Variants in NCOA7 observed in about 807,000 individuals in gnomAD.
The protein encoded by NCOA7 is nuclear receptor coactivator 7, also known as 140 kDa estrogen receptor-associated protein.
NCOA7 carries 45 observed loss-of-function variants against 104.3 expected under a neutral mutation model. The observed-to-expected ratio is 0.43, with a 90% CI of 0.34 to 0.55. NCOA7 has a LOEUF of 0.55. Among genes scored for constraint, NCOA7 ranks in the 20% least tolerant of loss-of-function variants. The pLI is 0.02. For missense variants in NCOA7, 1,041 were observed against 1,119.7 expected (o/e 0.93, Z 1.00); for synonymous variants, 398 against 402.3 (o/e 0.99, Z 0.13).
chr6:125,788,596 T>C (rs967548186), upstream of NCOA7, among the ~76,000 whole-genome samples: 3 of 151,072 alleles, frequency 2.0e-5, no homozygotes, highest in Non-Finnish European at 4.4e-5. Flanking sequence ...AGTGCAGTGG[T>C]GCAATCTCCG....
intron 10 of NCOA7, among the ~76,000 whole-genome samples, chr6:125,899,102 G>A (rs908564470): frequency 6.6e-6 from 1 of 152,070 alleles, no homozygotes; most frequent in Non-Finnish European, 1.5e-5. Flanking sequence ...TGCATTTAGT[G>A]AGCATGAATT....
In NCOA7 at chr6:125,860,670, A is replaced by G. The variant is rs181439577; in HGVS notation, c.271+5430A>G. Among the ~76,000 whole-genome samples the G allele has an allele frequency of 5.1e-4, 78 of 152,268 alleles. 2 individuals carry two copies. Among genetic ancestry groups the G allele is most frequent in the Admixed American group, 4.8e-3 (73 of 15,284 alleles). The stretch of plus-strand genomic sequence containing the variant: ...GCCCGGATCCTTTTATATTAAAGGA[A>G]TTCATTATTTCTTAAACTTAGAATA... On this transcript the variant is annotated intron_variant, in intron 3 of 15. Transcript: ENST00000392477.
intron 11 of NCOA7, among the ~76,000 whole-genome samples, chr6:125,918,281 C>A (rs1366972380): frequency 6.6e-6 from 1 of 152,186 alleles, no homozygotes; most frequent in African/African-American, 2.4e-5. Context: ...GGCAAAGCAC[C>A]TGGCACCCAC....
At chr6:125,831,402 T>C (rs1215663956) in intron 2 of NCOA7, among the ~76,000 whole-genome samples, 1 of 152,212 alleles carries the variant, frequency 6.6e-6, no homozygotes. Context: ...GAGCTATCAG[T>C]TTATTTTTCT....
At chr6:125,855,764 A>G (rs1157118208) in intron 3 of NCOA7, among the ~76,000 whole-genome samples, 1 of 151,852 alleles carries the variant, frequency 6.6e-6, no homozygotes, top group East Asian at 1.9e-4. Flanking sequence ...GCTCACTGCA[A>G]CCTCTGCCTC....
chr6:125,812,323 T>G (rs1209258785), intron 1 of NCOA7, among the ~76,000 whole-genome samples: 20 of 152,198 alleles, frequency 1.3e-4, no homozygotes, highest in Admixed American at 1.3e-3. Context: ...CAAGCAGAAT[T>G]GAACTTCACA....
intron 3 of NCOA7, among the ~76,000 whole-genome samples, chr6:125,856,556 G>C (rs981794627): frequency 6.6e-6 from 1 of 152,120 alleles, no homozygotes; most frequent in South Asian, 2.1e-4. Flanking sequence ...GTTTCACCGT[G>C]TTAGCCAGGA....
intron 2 of NCOA7, among the ~76,000 whole-genome samples, chr6:125,844,007 TGA>T (rs909316519): frequency 1.3e-5 from 2 of 152,218 alleles, no homozygotes; most frequent in Admixed American, 6.5e-5. Flanking sequence ...AAGGCTTCTC[TGA>T]GAGAGAATTT....
chr6:125,889,865 A>G lies in NCOA7; in HGVS notation c.1811A>G (p.Glu604Gly), dbSNP rs765213759. 1 of 1,613,638 alleles carries G rather than the reference A, an allele frequency of 6.2e-7. No individual in the cohort carries two copies. The highest frequency in any genetic ancestry group is 8.5e-7 in the Non-Finnish European group (1 of 1,179,864). ...TCTACAGAAGCAAATGTGATTAAAG[A>G]GGCTCTAGACTCCTCTTTGGAATCT... ...NSSTEANVIKEALDSSLESTL... is the reference protein window; with the variant it reads ...NSSTEANVIKGALDSSLESTL... The change falls in exon 9 of 16, where the codon GAG becomes GGG. Residue 604 changes from glutamate to glycine, a missense_variant. Glu to Gly is a moderately conservative substitution (Grantham distance 98, BLOSUM62 -2). Around this residue, in one of 2 missense-constraint regions of NCOA7, gnomAD observed 914 missense variants for 942.7 expected, o/e 0.97. Coordinates refer to ENST00000392477, the MANE Select transcript of NCOA7 (RefSeq NM_181782.5).
intron 11 of NCOA7, 68 bp from the exon 12 acceptor site, chr6:125,920,875 A>AT (rs1787514250): frequency 1.3e-6 from 2 of 1,578,014 alleles, no homozygotes; most frequent in Middle Eastern, 1.7e-4. Flanking sequence ...CCCTAGAGTG[A>AT]TTTTTTAAAT....
intron 14 of NCOA7, 144 bp downstream of exon 14, chr6:125,927,902 G>A: frequency 1.1e-5 from 8 of 750,154 alleles, no homozygotes; most frequent in Middle Eastern, 3.3e-4. Flanking sequence ...ACTGTAGCTC[G>A]CAAACTGCTT....
At chr6:125,892,146 G>C (rs975458550) in intron 10 of NCOA7, among the ~76,000 whole-genome samples, 2 of 152,184 alleles carry the variant, frequency 1.3e-5, no homozygotes, top group East Asian at 3.9e-4. Context: ...GTGTAAACTT[G>C]ATCATCTATC....
rs77958126 is a variant in NCOA7 at position 125,849,963 on chromosome 6, T to G, written c.51-5057T>G. Among the ~76,000 whole-genome samples the G allele has an allele frequency of 5.9e-3, 892 of 152,280 alleles. 7 individuals are homozygous for G. The highest frequency in any genetic ancestry group is 0.02 in the African/African-American group (832 of 41,570). On this transcript the variant is annotated intron_variant, in intron 2 of 15. Coordinates refer to ENST00000392477, the MANE Select transcript of NCOA7 (RefSeq NM_181782.5). ...CATGAAAAATGCTTAGATGAAATAA[T>G]GGGAGTTCATTTTTCTGCAAGACCA...
intron 2 of NCOA7, among the ~76,000 whole-genome samples, chr6:125,854,346 A>G (rs1351343139): frequency 6.6e-6 from 1 of 152,214 alleles, no homozygotes; most frequent in African/African-American, 2.4e-5. Context: ...TCTCTTACAC[A>G]TATTTGGCTC....
chr6:125,827,027 G>A, intron 2 of NCOA7, among the ~76,000 whole-genome samples: 1 of 151,894 alleles, frequency 6.6e-6, no homozygotes, highest in African/African-American at 2.4e-5. Context: ...GAGAAGCCCT[G>A]TCTCTACTAA....
In NCOA7 at chr6:125,825,145, C is replaced by T. The variant is rs1448808806; in HGVS notation, c.50+9741C>T. Among the ~76,000 whole-genome samples the T allele has an allele frequency of 3.5e-5, 5 of 141,422 alleles. No individual in the cohort carries two copies. In the Admixed American group the frequency reaches 3.6e-4, roughly 10 times the overall value. 92.8% of individuals were successfully genotyped at this position (141,422 alleles called of 152,430 possible). A position where few individuals can be genotyped will look rare whatever the true frequency, so the allele number is the denominator to read the frequency against. ...TAGATACCAGGAGTTTGAGATCAGC[C>T]TAGGCAACATGGTGAGACCCTGTCT... On this transcript the variant is annotated intron_variant, in intron 2 of 15. Transcript: ENST00000392477.
Position 125,855,078 on chromosome 6 carries a change from A to G in NCOA7, c.109A>G (p.Arg37Gly), listed in dbSNP as rs749213685. The change falls in exon 3 of 16, where the codon AGG (arginine) becomes GGG (glycine). Residue 37 changes from arginine (R) to glycine (G), a missense_variant. Arg to Gly is a moderately radical substitution (Grantham distance 125). Transcript: ENST00000392477. ...NAETASAVAT[R>G]THTGKEDNNT... ...AGAGACAGCCTCAGCTGTAGCTACA[A>G]GGACTCATACTGGGAAGGAAGATAA... 3 of 1,613,420 alleles carry G rather than the reference A, an allele frequency of 1.9e-6. No homozygotes were observed. Among genetic ancestry groups the G allele is most frequent in the Admixed American group, 3.3e-5 (2 of 60,024 alleles).
At chr6:125,901,464 G>C (rs962269918) in intron 10 of NCOA7, among the ~76,000 whole-genome samples, 1 of 152,218 alleles carries the variant, frequency 6.6e-6, no homozygotes, top group African/African-American at 2.4e-5. Context: ...ACTTGCAACA[G>C]GGATATCACC....
In NCOA7 at chr6:125,859,277, C is replaced by G. The variant is rs192995789; in HGVS notation, c.271+4037C>G. On this transcript the variant is annotated intron_variant, in intron 3 of 15. Coordinates refer to ENST00000392477, the MANE Select transcript of NCOA7 (RefSeq NM_181782.5). ...AGGCAAAAATTGACAGACTAGGAAG[C>G]TCAAGAAGGAGGAAAGAAGATAATG... 5.0e-4 allele frequency among the ~76,000 whole-genome samples: 76 copies of G among 151,090 alleles called. No homozygotes were observed. The East Asian group carries it at 0.013, about 27-fold the overall frequency.
Sources: gnomAD v4.1 joint callset for allele counts (sites outside exome capture counted in the v4.1 genomes callset) on GRCh38, gnomAD v4.1.1 for gene constraint, gnomAD v4.1.1 regional missense constraint, MANE v1.5 for transcripts, NCBI Gene and HGNC (gene_info 2026-07-23, HGNC 2026-07-21) for gene names.